Variants in FREM1 observed in about 807,000 individuals in gnomAD.
FREM1 encodes the protein FRAS1-related extracellular matrix protein 1.
Under a neutral mutation model 210.1 loss-of-function variants are expected in FREM1, and 220 were observed. The ratio of observed to expected loss-of-function variants is 1.05; its 90% CI spans 0.94 to 1.17. The LOEUF is 1.17. Ranked by LOEUF, FREM1 falls within the 50% of genes most tolerant of loss-of-function variation. The pLI is 0.00. For missense variants in FREM1, 3,454 were observed against 2,675.5 expected, an observed-to-expected ratio of 1.29 and a Z score of -6.42; for synonymous variants, 1,189 against 980.2, an observed-to-expected ratio of 1.21 and a Z score of -3.98.
Position 14,860,818 on chromosome 9 carries a change from C to CGT in FREM1, c.330-1335_330-1334insAC, listed in dbSNP as rs1277480359. 4.2e-4 allele frequency among the ~76,000 whole-genome samples: 20 copies of CGT among 48,076 alleles called. 1 individual carries two copies. Among genetic ancestry groups the CGT allele is most frequent in the African/African-American group, 1.1e-3 (11 of 9,848 alleles). 31.5% of individuals were successfully genotyped at this position (48,076 alleles called of 152,430 possible). A position where few individuals can be genotyped will look rare whatever the true frequency, so the allele number is the denominator to read the frequency against. ...ATATACACATATATACATATATACA[C>CGT]ATATATACATATATACGTATATATA... On this transcript the variant is annotated intron_variant, in intron 3 of 36. Transcript: ENST00000380880.
At chr9:14,839,875 T>C (rs977250413) in intron 10 of FREM1, among the ~76,000 whole-genome samples, 3 of 152,226 alleles carry the variant, frequency 2.0e-5, no homozygotes, top group Non-Finnish European at 4.4e-5. Context: ...AACTGTTACC[T>C]TTTTGAACTA....
chr9:14,882,435 G>A (rs933458899), intron 1 of FREM1, among the ~76,000 whole-genome samples: 30 of 151,112 alleles, frequency 2.0e-4, no homozygotes, highest in African/African-American at 6.8e-4. Flanking sequence ...TTCTAATCCC[G>A]ATTATTATTT....
chr9:14,803,562 T>C (rs66700982), intron 19 of FREM1, among the ~76,000 whole-genome samples: 17,276 of 151,846 alleles, frequency 0.11, 1,003 homozygotes, highest in South Asian at 0.13. Flanking sequence ...AGAGATGGGG[T>C]TTTGCCACAT....
At chr9:14,758,901 T>G (rs1018122124) in intron 28 of FREM1, among the ~76,000 whole-genome samples, 5 of 152,170 alleles carry the variant, frequency 3.3e-5, no homozygotes, top group Admixed American at 2.6e-4. Context: ...TATTTCAGGG[T>G]GCCTGTATTA....
At chr9:14,861,157 G>GTGCA (rs1830326762) in intron 3 of FREM1, among the ~76,000 whole-genome samples, 2 of 52,250 alleles carry the variant, frequency 3.8e-5, no homozygotes, top group African/African-American at 1.2e-4. Context: ...ACATATATAC[G>GTGCA]TATATACACA....
chr9:14,782,705 TGAC>T (rs766667861), intron 24 of FREM1, among the ~76,000 whole-genome samples: 2 of 152,186 alleles, frequency 1.3e-5, no homozygotes, highest in Admixed American at 1.3e-4. Flanking sequence ...AAGAATATAA[TGAC>T]AACAACAACG....
chr9:14,809,582 A>G (rs1459088895), intron 16 of FREM1, among the ~76,000 whole-genome samples: 1 of 152,352 alleles, frequency 6.6e-6, no homozygotes, highest in East Asian at 1.9e-4. Context: ...GAAAGAAACA[A>G]TCAGCCGTCA....
At chr9:14,747,471 C>A in intron 32 of FREM1, 43 bp from the exon 33 acceptor site, 4 of 1,566,250 alleles carry the variant, frequency 2.6e-6, no homozygotes, top group Admixed American at 3.7e-5. Context: ...AAAAAACAAA[C>A]ATCAAGATAG....
At chr9:14,885,857 C>T (rs75361322) in intron 1 of FREM1, among the ~76,000 whole-genome samples, 2,388 of 152,176 alleles carry the variant, frequency 0.016, 49 homozygotes, top group African/African-American at 0.053. Context: ...ATGAGGAGAA[C>T]ATTTAAAATC....
At chr9:14,802,614 T>A (rs1322704373) in intron 19 of FREM1, among the ~76,000 whole-genome samples, 2 of 152,232 alleles carry the variant, frequency 1.3e-5, no homozygotes, top group African/African-American at 4.8e-5. Context: ...ATTTAGAACT[T>A]GACAATATGT....
At chr9:14,749,985 C>G (rs1843068691) in intron 30 of FREM1, 142 bp downstream of exon 30, 1 of 800,666 alleles carries the variant, frequency 1.2e-6, no homozygotes, top group African/African-American at 1.7e-5. Flanking sequence ...GAATAAAGGG[C>G]CTACATCACG....
At chr9:14,819,561 G>C (rs1820904821) in intron 13 of FREM1, 119 bp from the exon 14 acceptor site, 3 of 614,400 alleles carry the variant, frequency 4.9e-6, no homozygotes, top group Middle Eastern at 2.9e-4. Flanking sequence ...AATTTTTCAA[G>C]AATGTGGTAA....
chr9:14,829,355 C>T, intron 10 of FREM1, among the ~76,000 whole-genome samples: 1 of 152,182 alleles, frequency 6.6e-6, no homozygotes, highest in East Asian at 1.9e-4. Flanking sequence ...GTCTTTTCCA[C>T]AGCCTGCTCC....
At chr9:14,784,285 T>C in intron 24 of FREM1, 85 bp downstream of exon 24, 1 of 1,220,604 alleles carries the variant, frequency 8.2e-7, no homozygotes, top group Non-Finnish European at 1.2e-6. Flanking sequence ...GTGAAATGGT[T>C]ACTATAGTGA....
chr9:14,774,563 C>G (rs1281404656), intron 25 of FREM1, among the ~76,000 whole-genome samples: 1 of 133,926 alleles, frequency 7.5e-6, no homozygotes, highest in Non-Finnish European at 1.6e-5. Context: ...CTCTCTCTCT[C>G]AGAGCAAGGA....
chr9:14,747,165 T>A (rs542797406), intron 33 of FREM1, 99 bp downstream of exon 33: 2 of 1,572,816 alleles, frequency 1.3e-6, no homozygotes, highest in Non-Finnish European at 1.7e-6. Context: ...GGGTAAACTA[T>A]CCCCCCAACC....
chr9:14,851,749 T>A, intron 5 of FREM1, 142 bp from the exon 6 acceptor site: 2 of 723,352 alleles, frequency 2.8e-6, no homozygotes, highest in Non-Finnish European at 4.8e-6. Flanking sequence ...TGGAATCACC[T>A]GGGGAGCTTT....
At chr9:14,802,488 A>G (rs571121865) in intron 19 of FREM1, among the ~76,000 whole-genome samples, 44 of 152,080 alleles carry the variant, frequency 2.9e-4, no homozygotes, top group Non-Finnish European at 5.6e-4. Flanking sequence ...TCCCATTCTT[A>G]TACTTCCAAA....
At chr9:14,892,066 T>A (rs1379338377) in intron 1 of FREM1, among the ~76,000 whole-genome samples, 1 of 152,174 alleles carries the variant, frequency 6.6e-6, no homozygotes, top group East Asian at 1.9e-4. Flanking sequence ...TCCTAAGGTA[T>A]CCCTCTTTCT....
Sources: gnomAD v4.1 joint callset for allele counts (sites outside exome capture counted in the v4.1 genomes callset) on GRCh38, gnomAD v4.1.1 for gene constraint, MANE v1.5 for transcripts, NCBI Gene and HGNC (gene_info 2026-07-23, HGNC 2026-07-21) for gene names.